GNA13: variants seen among roughly 807,000 people sequenced by gnomAD.
GNA13 encodes guanine nucleotide-binding protein subunit alpha-13.
GNA13 carries 4 observed loss-of-function variants against 33.5 expected under a neutral mutation model. That is an observed-to-expected ratio of 0.12 (90% CI 0.06 to 0.27). The LOEUF (loss-of-function observed/expected upper bound fraction) is 0.27, where lower values mean the gene tolerates loss of function less well. GNA13 is among the 10% of genes least tolerant of loss of function. The pLI, the probability that GNA13 is intolerant of heterozygous loss-of-function variation, is 1.00. For missense variants in GNA13, 319 were observed against 487.2 expected (o/e 0.65, Z 3.25); for synonymous variants, 176 against 183.8 (o/e 0.96, Z 0.34).
At chr17:65,056,054 G>T (rs1013973139) in intron 1 of GNA13, among the ~76,000 whole-genome samples, 3 of 152,000 alleles carry the variant, frequency 2.0e-5, no homozygotes, top group Non-Finnish European at 4.4e-5. Context: ...GGTGGGGGGT[G>T]GGGGAATGGC....
intron 2 of GNA13, among the ~76,000 whole-genome samples, chr17:65,047,550 G>GA (rs1396601418): frequency 2.0e-5 from 3 of 152,130 alleles, no homozygotes. Context: ...TACTTATAGA[G>GA]AAAATGGACC....
chr17:65,014,957 A>G lies in GNA13; in HGVS notation c.562-128T>C. On this transcript the variant is annotated intron_variant, in intron 3 of 3. Coordinates refer to ENST00000439174, the MANE Select transcript of GNA13 (RefSeq NM_006572.6). This position sits in a 1 kb window ranked among gnomAD's most constrained non-coding sequence, Gnocchi z 5.3. ...TCTTTTAAGTGACATTTTCAGATAG[A>G]TTATGCTTATTATAAAATGCCAAGA... The G allele has an allele frequency of 1.6e-6, 1 of 627,056 alleles. No homozygotes were observed. The highest frequency in any genetic ancestry group is 2.9e-5 in the Admixed American group (1 of 34,340). 38.8% of individuals were successfully genotyped at this position (627,056 alleles called of 1,614,324 possible).
chr17:65,044,289 T>C (rs950081319), intron 2 of GNA13, among the ~76,000 whole-genome samples: 1 of 152,246 alleles, frequency 6.6e-6, no homozygotes, highest in Non-Finnish European at 1.5e-5. Context: ...TCTTGATTCA[T>C]ATCAGCTCAT....
At chr17:65,054,799 G>A (rs1907979648) in intron 1 of GNA13, among the ~76,000 whole-genome samples, 1 of 152,132 alleles carries the variant, frequency 6.6e-6, no homozygotes, top group Non-Finnish European at 1.5e-5. Context: ...AATTCCTTAA[G>A]TTCAGCTGCA....
chr17:65,055,503 G>T, intron 1 of GNA13: 1 of 460,446 alleles, frequency 2.2e-6, no homozygotes, highest in Non-Finnish European at 2.9e-6. Flanking sequence ...CTAAATAGAA[G>T]CAGTGGTACT....
In GNA13 at chr17:65,025,405, C is replaced by T. The variant is rs12936106; in HGVS notation, c.511-7102G>A. On this transcript the variant is annotated intron_variant, in intron 2 of 3. Coordinates refer to ENST00000439174, the MANE Select transcript of GNA13 (RefSeq NM_006572.6). Reference sequence around the variant, plus strand: ...GTTCTAGCTGCCTACTTGTCTATACCCCTAGAGCCTATTTTCAAATGTTCA... The same window carrying T: ...GTTCTAGCTGCCTACTTGTCTATACTCCTAGAGCCTATTTTCAAATGTTCA... 8.5e-5 allele frequency among the ~76,000 whole-genome samples: 13 copies of T among 152,172 alleles called. No homozygotes were observed. In the East Asian group the frequency reaches 1.9e-3, roughly 23 times the overall value.
intron 2 of GNA13, among the ~76,000 whole-genome samples, chr17:65,032,865 C>T (rs1259726985): frequency 6.6e-6 from 1 of 152,054 alleles, no homozygotes; most frequent in African/African-American, 2.4e-5. Flanking sequence ...AATCCCAGCA[C>T]TTTGGGAGGC....
At chr17:65,030,986 TAAGTA>T (rs780035346) in intron 2 of GNA13, among the ~76,000 whole-genome samples, 2 of 152,156 alleles carry the variant, frequency 1.3e-5, no homozygotes, top group African/African-American at 2.4e-5. Context: ...CCAAGATAAT[TAAGTA>T]GAGTTTCTTC....
At chr17:65,046,587 T>A (rs1014554403) in intron 2 of GNA13, among the ~76,000 whole-genome samples, 1 of 152,244 alleles carries the variant, frequency 6.6e-6, no homozygotes. Flanking sequence ...TTTGGGCTAA[T>A]AGGACTGGAT....
At chr17:65,043,145 C>CG (rs1160984181) in intron 2 of GNA13, among the ~76,000 whole-genome samples, 1 of 152,098 alleles carries the variant, frequency 6.6e-6, no homozygotes. Context: ...GAGTGGCAGC[C>CG]GGAAGACGAA....
intron 2 of GNA13, among the ~76,000 whole-genome samples, chr17:65,028,521 G>A (rs534667496): frequency 6.6e-6 from 1 of 151,636 alleles, no homozygotes; most frequent in South Asian, 2.1e-4. Context: ...AAGAACCACT[G>A]TAATTATAAT....
chr17:65,025,341 T>C (rs1040229211), intron 2 of GNA13, among the ~76,000 whole-genome samples: 15 of 152,212 alleles, frequency 9.9e-5, no homozygotes, highest in Non-Finnish European at 1.9e-4. Context: ...AAAAACTTAT[T>C]TGACAATTCT....
chr17:65,031,895 AAAGAGAGAG>A (rs1907040563), intron 2 of GNA13, among the ~76,000 whole-genome samples: 5 of 136,228 alleles, frequency 3.7e-5, no homozygotes, highest in Non-Finnish European at 7.9e-5. Flanking sequence ...AGAGAGAGAG[AAAGAGAGAG>A]AGAGAGAGAG....
intron 2 of GNA13, among the ~76,000 whole-genome samples, chr17:65,051,285 G>A (rs928070180): frequency 1.3e-5 from 2 of 152,170 alleles, no homozygotes; most frequent in African/African-American, 4.8e-5. Flanking sequence ...TTGAGAAAAT[G>A]AACTAAGAAG....
In GNA13 at chr17:65,026,996, T is replaced by C. The variant is rs577280193; in HGVS notation, c.511-8693A>G. On this transcript the variant is annotated intron_variant, in intron 2 of 3. Coordinates refer to ENST00000439174, the MANE Select transcript of GNA13 (RefSeq NM_006572.6). ...TTTCTCTATGTTGGTCAGGCTGGTC[T>C]CGAACTCCCGGCCTCAGGTGATCCG... 9.5e-4 allele frequency among the ~76,000 whole-genome samples: 144 copies of C among 152,290 alleles called. 3 individuals carry two copies. In the South Asian group the frequency reaches 0.028, roughly 30 times the overall value.
At chr17:65,055,689 A>G in intron 1 of GNA13, 1 of 984,738 alleles carries the variant, frequency 1.0e-6, no homozygotes, top group Non-Finnish European at 1.2e-6. Flanking sequence ...TCAACCTGAC[A>G]CTCCTCAAGT....
rs1906220978 is a variant in GNA13, at chr17:65,012,347, C to T, written c.*1910G>A. On this transcript the variant is annotated 3_prime_UTR_variant, in exon 4 of 4. Transcript: ENST00000439174. Reference sequence around the variant, plus strand: ...TGAATAGTCCAAATGTTACTGTGCACATATTCCGATATTCATTAGCACTGC... The same window carrying T: ...TGAATAGTCCAAATGTTACTGTGCATATATTCCGATATTCATTAGCACTGC... The T allele has an allele frequency of 9.0e-6, 2 of 223,224 alleles. No homozygotes were observed. The highest frequency in any genetic ancestry group is 1.8e-4 in the South Asian group (1 of 5,436). The allele number at this position is 223,224 out of a possible 1,614,324, so 13.8% of individuals were successfully genotyped here. A position where few individuals can be genotyped will look rare whatever the true frequency, so the allele number is the denominator to read the frequency against.
At chr17:65,048,899 T>C (rs957422970) in intron 2 of GNA13, among the ~76,000 whole-genome samples, 2 of 152,214 alleles carry the variant, frequency 1.3e-5, no homozygotes, top group African/African-American at 4.8e-5. Flanking sequence ...TTATTTTATC[T>C]GCTAACCTCT....
chr17:65,019,031 C>A (rs79678370), intron 2 of GNA13, among the ~76,000 whole-genome samples: 2,119 of 152,264 alleles, frequency 0.014, 52 homozygotes, highest in African/African-American at 0.048. Flanking sequence ...TCCTCACCCC[C>A]TGCGTTTCAC....
Sources: gnomAD v4.1 joint callset for allele counts (sites outside exome capture counted in the v4.1 genomes callset) on GRCh38, gnomAD v4.1.1 for gene constraint, Gnocchi (gnomAD v3.1) non-coding constraint, MANE v1.5 for transcripts, NCBI Gene and HGNC (gene_info 2026-07-23, HGNC 2026-07-21) for gene names.